FRMD4A: variants seen among roughly 807,000 people sequenced by gnomAD.
FRMD4A encodes the protein FERM domain-containing protein 4A.
Under a neutral mutation model 129.1 loss-of-function variants are expected in FRMD4A, and 29 were observed. The observed-to-expected ratio is 0.22, with a 90% confidence interval of 0.17 to 0.31. FRMD4A has a LOEUF of 0.31. Ranked by LOEUF, FRMD4A falls within the 10% of genes least tolerant of loss-of-function variation. FRMD4A has a pLI of 1.00. For missense variants in FRMD4A, 1,272 were observed against 1,375.8 expected, an observed-to-expected ratio of 0.92 and a Z score of 1.19; for synonymous variants, 634 against 571.6, an observed-to-expected ratio of 1.11 and a Z score of -1.56.
chr10:13,808,524 T>C (rs139241457), intron 4 of FRMD4A, among the ~76,000 whole-genome samples: 1 of 152,194 alleles, frequency 6.6e-6, no homozygotes, highest in Non-Finnish European at 1.5e-5. Context: ...TCTTCTTTCC[T>C]ACCAGGAAAA....
chr10:13,751,641 T>C (rs1168934070), intron 8 of FRMD4A, among the ~76,000 whole-genome samples: 1 of 152,164 alleles, frequency 6.6e-6, no homozygotes, highest in Non-Finnish European at 1.5e-5. Context: ...TTCCCCAGAG[T>C]TCATGACATA....
intron 2 of FRMD4A, among the ~76,000 whole-genome samples, chr10:14,039,457 TCTA>T (rs1833685054): frequency 4.6e-5 from 1 of 21,590 alleles, no homozygotes; most frequent in Non-Finnish European, 9.6e-5. Flanking sequence ...AATCAATCAA[TCTA>T]TCTATCTATC....
chr10:13,865,638 G>C (rs1460604795), intron 2 of FRMD4A, among the ~76,000 whole-genome samples: 1 of 151,394 alleles, frequency 6.6e-6, no homozygotes, highest in Non-Finnish European at 1.5e-5. Flanking sequence ...TTTTTGTAGA[G>C]ACACGTCTCA....
intron 2 of FRMD4A, among the ~76,000 whole-genome samples, chr10:14,270,659 A>G (rs1308221100): frequency 2.6e-5 from 4 of 152,232 alleles, no homozygotes. Context: ...CAACTGTTAG[A>G]GCACAGGAAA....
At position 13,672,303 on chromosome 10, in the gene FRMD4A, A is replaced by T. The variant is rs556543318; in HGVS notation, c.1252-1775T>A. Among the ~76,000 whole-genome samples the T allele has an allele frequency of 6.8e-3, 1,035 of 152,330 alleles. 12 individuals are homozygous for T. The highest frequency in any genetic ancestry group is 0.024 in the African/African-American group (1,005 of 41,560). ...TCTTCCCTGGTTTTTTCTTTAAAAA[A>T]AAAATGTGGTTCAAATGTCTCCAAA... On this transcript the variant is annotated intron_variant, in intron 16 of 24. Transcript: ENST00000357447.
chr10:13,920,517 A>T (rs2095059332), intron 2 of FRMD4A, among the ~76,000 whole-genome samples: 1 of 152,234 alleles, frequency 6.6e-6, no homozygotes, highest in African/African-American at 2.4e-5. Flanking sequence ...CTACATTACA[A>T]TACAACCTTT....
intron 14 of FRMD4A, 72 bp from the exon 15 acceptor site, chr10:13,694,111 C>T (rs1472218014): frequency 1.0e-5 from 13 of 1,278,216 alleles, no homozygotes; most frequent in South Asian, 1.6e-5. Context: ...CCCTCGCCCG[C>T]GCCTGCTCAC....
intron 2 of FRMD4A, among the ~76,000 whole-genome samples, chr10:14,145,629 C>G (rs1840037830): frequency 6.6e-6 from 1 of 152,094 alleles, no homozygotes; most frequent in African/African-American, 2.4e-5. Context: ...ATACTATCTG[C>G]AAAAATTATA....
intron 2 of FRMD4A, among the ~76,000 whole-genome samples, chr10:14,162,257 A>T (rs1206044010): frequency 6.6e-6 from 1 of 152,180 alleles, no homozygotes; most frequent in Non-Finnish European, 1.5e-5. Context: ...TCTCTAACTG[A>T]TTCATTGGCC....
intron 3 of FRMD4A, among the ~76,000 whole-genome samples, chr10:13,847,395 A>G (rs902009249): frequency 2.0e-5 from 3 of 152,182 alleles, no homozygotes; most frequent in Non-Finnish European, 2.9e-5. Flanking sequence ...GACTCAGAGA[A>G]AAATACAGAG....
chr10:13,975,395 CTG>C (rs764451508), intron 2 of FRMD4A, among the ~76,000 whole-genome samples: 88 of 150,418 alleles, frequency 5.9e-4, no homozygotes, highest in Non-Finnish European at 9.6e-4. Context: ...GTCTTTGTCT[CTG>C]TGTGTGTGTC....
chr10:13,652,267 G>T (rs1366691737), intron 23 of FRMD4A: 2 of 456,156 alleles, frequency 4.4e-6, no homozygotes, highest in African/African-American at 4.0e-5. Context: ...TTTCAAATTT[G>T]GCTTGAGTCC....
chr10:13,785,554 A>G (rs1216141123), intron 5 of FRMD4A, among the ~76,000 whole-genome samples: 3 of 152,240 alleles, frequency 2.0e-5, no homozygotes, highest in Admixed American at 6.5e-5. Flanking sequence ...ATCTCAAAGC[A>G]AAATAAATTT....
chr10:13,865,463 T>A (rs991219567), intron 2 of FRMD4A, among the ~76,000 whole-genome samples: 2 of 52,782 alleles, frequency 3.8e-5, no homozygotes, highest in Non-Finnish European at 5.9e-5. Flanking sequence ...ATTTTATTTA[T>A]TTTTATAGAC....
chr10:14,128,011 T>TCTTCCTTCCTTCCTTCCTTC (rs1234412308), intron 2 of FRMD4A, among the ~76,000 whole-genome samples: 1 of 96,806 alleles, frequency 1.0e-5, no homozygotes, highest in Admixed American at 1.2e-4. Context: ...TTTCTTTCTT[T>TCTTCCTTCCTTCCTTCCTTC]CTTCCTTCCT....
intron 13 of FRMD4A, among the ~76,000 whole-genome samples, chr10:13,704,059 G>T (rs932908974): frequency 2.0e-5 from 3 of 152,050 alleles, no homozygotes; most frequent in Admixed American, 1.3e-4. Context: ...GATACCCCAC[G>T]TACCCTGCCT....
intron 2 of FRMD4A, among the ~76,000 whole-genome samples, chr10:13,886,321 C>A (rs2094620518): frequency 6.6e-6 from 1 of 151,792 alleles, no homozygotes; most frequent in Non-Finnish European, 1.5e-5. Context: ...CAGGCTAATC[C>A]CACAGGAAAT....
chr10:14,152,129 T>A (rs1219939221), intron 2 of FRMD4A, among the ~76,000 whole-genome samples: 1 of 130,426 alleles, frequency 7.7e-6, no homozygotes, highest in Non-Finnish European at 1.6e-5. Flanking sequence ...TTTTTTTTTT[T>A]TTTTTTTTTT....
chr10:13,808,014 G>T (rs568879900), intron 4 of FRMD4A, among the ~76,000 whole-genome samples: 2 of 152,218 alleles, frequency 1.3e-5, no homozygotes, highest in East Asian at 3.9e-4. Flanking sequence ...GGCCAGGCTG[G>T]TCTCGAACTC....
Sources: allele counts gnomAD v4.1 joint callset (sites outside exome capture counted in the v4.1 genomes callset), GRCh38; gene constraint gnomAD v4.1.1; transcripts MANE v1.5; gene names NCBI Gene and HGNC (gene_info 2026-07-23, HGNC 2026-07-21).